CFAP74: variants seen among roughly 807,000 people sequenced by gnomAD.
CFAP74 encodes the protein cilia- and flagella-associated protein 74.
CFAP74 carries 124 observed loss-of-function variants against 188.9 expected under a neutral mutation model. The observed-to-expected ratio is 0.66, with a 90% CI of 0.57 to 0.76. The LOEUF (loss-of-function observed/expected upper bound fraction) is 0.76. CFAP74 is among the 30% of genes least tolerant of loss of function. The probability of loss-of-function intolerance (pLI) is 0.00; values close to 1 mark genes in which losing one functional copy is unlikely to be tolerated. For missense variants in CFAP74, 2,198 were observed against 2,165.2 expected (o/e 1.02, Z -0.30); for synonymous variants, 956 against 916.7 (o/e 1.04, Z -0.77).
At chr1:1,955,135 G>C in intron 18 of CFAP74, 7 of 1,237,832 alleles carry the variant, frequency 5.7e-6, no homozygotes, top group Non-Finnish European at 7.3e-6. Flanking sequence ...TGCAGGGCGT[G>C]CGGAACGCGC....
At chr1:1,928,915 C>T (rs566136892) in intron 26 of CFAP74, 33 bp from the exon 27 acceptor site, 168 of 1,426,666 alleles carry the variant, frequency 1.2e-4, no homozygotes, top group Non-Finnish European at 1.6e-4. Context: ...ACAGGGGTTG[C>T]CACTTCCCTC....
chr1:1,966,611 G>T, intron 11 of CFAP74, 85 bp from the exon 12 acceptor site: 2 of 1,276,674 alleles, frequency 1.6e-6, no homozygotes, highest in South Asian at 2.1e-5. Context: ...CCGCCGGTAT[G>T]GCCCGCTGCC....
In CFAP74 at chr1:1,988,951, C is replaced by T. The variant is rs200633733; in HGVS notation, c.90G>A (p.Pro30=). 35 of 1,580,364 alleles carry T rather than the reference C, an allele frequency of 2.2e-5. No individual in the cohort carries two copies. Among genetic ancestry groups the T allele is most frequent in the East Asian group, 6.8e-5 (3 of 44,168 alleles). The part of the protein sequence containing the change: ...LEDERDELED[P]EFDIKCLLQE... The stretch of plus-strand genomic sequence containing the variant: ...GTAGAAGACATTTGATGTCAAACTC[C>T]GGATCCTCTAATTCATCTCTTTCTA... The change falls in exon 3 of 39, where the codon CCG becomes CCA. Residue 30 remains proline (P), a synonymous_variant. Transcript: ENST00000682832.
chr1:1,959,739 G>A (rs1198296843), intron 15 of CFAP74, among the ~76,000 whole-genome samples: 3 of 152,178 alleles, frequency 2.0e-5, no homozygotes, highest in East Asian at 1.9e-4. Context: ...GAGAGTGCAC[G>A]CCCTCGGCCA....
intron 21 of CFAP74, among the ~76,000 whole-genome samples, chr1:1,944,113 C>G (rs539104357): frequency 6.6e-6 from 1 of 152,194 alleles, no homozygotes; most frequent in Non-Finnish European, 1.5e-5. Context: ...GGATGCCGTT[C>G]AGGGCCTGGA....
intron 12 of CFAP74, among the ~76,000 whole-genome samples, chr1:1,966,034 T>A (rs935488413): frequency 6.6e-6 from 1 of 152,258 alleles, no homozygotes; most frequent in South Asian, 2.1e-4. Context: ...TCTCCAATAG[T>A]ACACGGAGTA....
At chr1:1,952,124 T>A (rs1424597182) in intron 18 of CFAP74, among the ~76,000 whole-genome samples, 1 of 152,146 alleles carries the variant, frequency 6.6e-6, no homozygotes, top group African/African-American at 2.4e-5. Context: ...GCTCATTTTT[T>A]GTATTTTCAG....
intron 18 of CFAP74, among the ~76,000 whole-genome samples, chr1:1,948,520 A>C (rs929471843): frequency 1.3e-5 from 2 of 151,064 alleles, no homozygotes; most frequent in Non-Finnish European, 2.9e-5. Flanking sequence ...TTGGCCCTCT[A>C]AAGTATTGGG....
At chr1:1,972,303 C>A (rs568157280) in intron 8 of CFAP74, among the ~76,000 whole-genome samples, 2 of 152,332 alleles carry the variant, frequency 1.3e-5, no homozygotes. Flanking sequence ...ATTACAGGAG[C>A]CTCGGTGCTA....
chr1:1,937,133 C>T (rs537622281), intron 25 of CFAP74, among the ~76,000 whole-genome samples: 1 of 152,200 alleles, frequency 6.6e-6, no homozygotes, highest in Non-Finnish European at 1.5e-5. Flanking sequence ...GAAAGTGATA[C>T]AGGGTTGGAA....
intron 14 of CFAP74, among the ~76,000 whole-genome samples, chr1:1,962,590 A>C (rs1655171833): frequency 6.6e-6 from 1 of 151,972 alleles, no homozygotes; most frequent in African/African-American, 2.4e-5. Context: ...ATAAAAGAGA[A>C]AAGAAGAAAA....
At chr1:1,999,132 G>A (rs1375584982) in intron 1 of CFAP74, among the ~76,000 whole-genome samples, 1 of 152,184 alleles carries the variant, frequency 6.6e-6, no homozygotes, top group African/African-American at 2.4e-5. Context: ...TAGTTTTGAA[G>A]GGGGAAGGGG....
chr1:1,927,274 T>C, intron 28 of CFAP74: 4 of 586,840 alleles, frequency 6.8e-6, no homozygotes, highest in South Asian at 4.2e-5. Context: ...CTTTGGCCCC[T>C]GGCTAGAGAG....
At position 1,940,212 on chromosome 1, in the gene CFAP74, G is replaced by A. The variant is rs549996194; in HGVS notation, c.2703+104C>T. 78 of 875,214 alleles carry A rather than the reference G, an allele frequency of 8.9e-5. No individual in the cohort carries two copies. In the Middle Eastern group the frequency reaches 9.9e-4, roughly 11 times the overall value. 54.2% of individuals were successfully genotyped at this position (875,214 alleles called of 1,614,324 possible). On this transcript the variant is annotated intron_variant, in intron 23 of 38. Transcript: ENST00000682832. The stretch of plus-strand genomic sequence containing the variant: ...CGCCTCCTGGAAGGCAAGTGAGGAT[G>A]AGCCCTTTTGGGGGCCCTCGCCCGG...
chr1:1,999,801 A>T (rs1658107408), intron 1 of CFAP74, among the ~76,000 whole-genome samples: 1 of 152,044 alleles, frequency 6.6e-6, no homozygotes, highest in African/African-American at 2.4e-5. Context: ...TAGGCGACAG[A>T]GCAAGACTCT....
At chr1:1,925,040 A>AGGG in intron 33 of CFAP74, among the ~76,000 whole-genome samples, 2 of 143,342 alleles carry the variant, frequency 1.4e-5, no homozygotes, top group African/African-American at 5.3e-5. Context: ...GAGGGCACAC[A>AGGG]CTGGTCCAAA....
chr1:1,990,252 CAG>C (rs1355196942), intron 2 of CFAP74, among the ~76,000 whole-genome samples: 1 of 152,094 alleles, frequency 6.6e-6, no homozygotes, highest in African/African-American at 2.4e-5. Flanking sequence ...GTCACTATCT[CAG>C]AAGATTACAG....
chr1:1,993,227 GTTAAAA>G (rs1284111951), intron 1 of CFAP74, among the ~76,000 whole-genome samples: 1 of 147,150 alleles, frequency 6.8e-6, no homozygotes, highest in African/African-American at 2.5e-5. Flanking sequence ...AAGAAACAAT[GTTAAAA>G]TCACAAACTC....
chr1:1,969,479 G>T (rs28707401), intron 10 of CFAP74, among the ~76,000 whole-genome samples: 1 of 106,544 alleles, frequency 9.4e-6, no homozygotes, highest in Non-Finnish European at 1.9e-5. Flanking sequence ...AGCCCTGCCC[G>T]GCCCAGCCCT....
Sources: allele counts gnomAD v4.1 joint callset (sites outside exome capture counted in the v4.1 genomes callset), GRCh38; gene constraint gnomAD v4.1.1; transcripts MANE v1.5; gene names NCBI Gene and HGNC (gene_info 2026-07-23, HGNC 2026-07-21).